Variants in OTOGL observed in about 807,000 individuals in gnomAD.
OTOGL encodes otogelin like, also known as otogelin-like protein.
Under a neutral mutation model 318.5 loss-of-function variants are expected in OTOGL, and 285 were observed. The ratio of observed to expected loss-of-function variants is 0.89; its 90% CI spans 0.81 to 0.99. The LOEUF (loss-of-function observed/expected upper bound fraction) is 0.99. Among genes scored for constraint, OTOGL ranks in the 50% least tolerant of loss-of-function variants. OTOGL has a pLI of 0.00. For missense variants in OTOGL, 2,899 were observed against 2,845.6 expected, an observed-to-expected ratio of 1.02 and a Z score of -0.43; for synonymous variants, 987 against 936.5, an observed-to-expected ratio of 1.05 and a Z score of -0.99.
chr12:80,322,817 A>G (rs1887424889), intron 34 of OTOGL, among the ~76,000 whole-genome samples: 2 of 152,176 alleles, frequency 1.3e-5, no homozygotes, highest in African/African-American at 2.4e-5. Context: ...TATCTGGTAC[A>G]AGGCAACGTG....
intron 58 of OTOGL, 80 bp downstream of exon 58, chr12:80,377,282 A>G: frequency 1.8e-6 from 2 of 1,084,304 alleles, no homozygotes; most frequent in Non-Finnish European, 2.7e-6. Flanking sequence ...GAAGTTTGTA[A>G]GCCAACAAAC....
intron 11 of OTOGL, among the ~76,000 whole-genome samples, chr12:80,243,492 A>G (rs1388343125): frequency 1.3e-5 from 2 of 151,980 alleles, no homozygotes; most frequent in Non-Finnish European, 2.9e-5. Context: ...TGATAAAAAT[A>G]AGAAATCTTG....
At chr12:80,186,532 T>C (rs1033327364) in intron 1 of OTOGL, among the ~76,000 whole-genome samples, 4 of 152,218 alleles carry the variant, frequency 2.6e-5, no homozygotes, top group African/African-American at 9.6e-5. Flanking sequence ...ATTCACTTGT[T>C]GAAAAACTTT....
At chr12:80,320,344 C>G in intron 33 of OTOGL, 78 bp from the exon 34 acceptor site, 1 of 1,395,564 alleles carries the variant, frequency 7.2e-7, no homozygotes, top group Non-Finnish European at 9.7e-7. Flanking sequence ...ATTTTGTTTA[C>G]TTTATAAGTA....
Position 80,336,444 on chromosome 12 carries a change from T to C in OTOGL, c.4632T>C (p.Ile1544=). The C allele has an allele frequency of 6.2e-7, 1 of 1,609,346 alleles. No individual in the cohort carries two copies. The highest frequency in any genetic ancestry group is 8.5e-7 in the Non-Finnish European group (1 of 1,177,606). Reference sequence around the variant, plus strand: ...GTTCCATGTTGTCAGAACTGAGCATTATTACATTTGATGGAAACAACGCAG... The same window carrying C: ...GTTCCATGTTGTCAGAACTGAGCATCATTACATTTGATGGAAACAACGCAG... ...CRCSMLSELS[I]ITFDGNNAAL... Residue 1544 remains isoleucine, a synonymous_variant, in exon 40 of 59, where the codon ATT becomes ATC. Coordinates refer to ENST00000547103, the MANE Select transcript of OTOGL (RefSeq NM_001378609.3).
intron 53 of OTOGL, among the ~76,000 whole-genome samples, chr12:80,366,985 T>A (rs1890581063): frequency 6.6e-6 from 1 of 151,960 alleles, no homozygotes; most frequent in Admixed American, 6.6e-5. Context: ...TTATTATTAA[T>A]GTATTTTTAT....
intron 1 of OTOGL, among the ~76,000 whole-genome samples, chr12:80,195,449 A>G (rs1341731693): frequency 6.6e-6 from 1 of 152,196 alleles, no homozygotes; most frequent in Non-Finnish European, 1.5e-5. Context: ...TCAATTTCCT[A>G]TACACAAGGT....
Position 80,270,404 on chromosome 12 carries a change from GAT to G in OTOGL, c.2518+251_2518+252del, listed in dbSNP as rs1444004026. 5.9e-5 allele frequency among the ~76,000 whole-genome samples: 9 copies of G among 152,266 alleles called. No individual in the cohort carries two copies. In the East Asian group the frequency reaches 1.7e-3, roughly 29 times the overall value. ...CAGGTCAACCCAGGGATGCTGCCTA[GAT>G]GCTGCCTACCACAGGACCACCTCAG... is the stretch of plus-strand genomic sequence containing the variant. On this transcript the variant is annotated intron_variant, in intron 23 of 58. Coordinates refer to ENST00000547103, the MANE Select transcript of OTOGL (RefSeq NM_001378609.3).
intron 1 of OTOGL, 75 bp from the exon 2 acceptor site, chr12:80,209,338 A>C: frequency 6.5e-6 from 5 of 770,088 alleles, no homozygotes; most frequent in Non-Finnish European, 9.3e-6. Context: ...ATTTATTAGA[A>C]TTTGAGTACC....
intron 37 of OTOGL, 63 bp from the exon 38 acceptor site, chr12:80,332,942 A>AT (rs1888166314): frequency 2.3e-6 from 3 of 1,327,340 alleles, no homozygotes; most frequent in Admixed American, 4.0e-5. Context: ...TTTCTGTCAC[A>AT]TATCAATTCC....
At chr12:80,139,041 G>T (rs1310672500) in intron 1 of OTOGL, among the ~76,000 whole-genome samples, 1 of 152,148 alleles carries the variant, frequency 6.6e-6, no homozygotes, top group African/African-American at 2.4e-5. Flanking sequence ...TATAGCGAGG[G>T]TCCTATATGT....
intron 1 of OTOGL, among the ~76,000 whole-genome samples, chr12:80,150,453 G>T (rs530252189): frequency 1.9e-4 from 29 of 152,300 alleles, no homozygotes; most frequent in African/African-American, 6.7e-4. Flanking sequence ...GAGATCAAAG[G>T]GGAATGTTAA....
intron 35 of OTOGL, among the ~76,000 whole-genome samples, chr12:80,324,826 A>T (rs1172544039): frequency 6.6e-6 from 1 of 152,206 alleles, no homozygotes; most frequent in African/African-American, 2.4e-5. Flanking sequence ...TTGGTAGCCA[A>T]ATTGGTCAAA....
At chr12:80,367,777 T>G (rs764673476) in intron 54 of OTOGL, 38 bp downstream of exon 54, 186 of 1,285,644 alleles carry the variant, frequency 1.4e-4, no homozygotes, top group Non-Finnish European at 1.6e-4. Flanking sequence ...TGAGAGTTAA[T>G]GCATTCAAAA....
At chr12:80,372,912 C>G (rs2138105165) in intron 57 of OTOGL, among the ~76,000 whole-genome samples, 1 of 152,156 alleles carries the variant, frequency 6.6e-6, no homozygotes, top group Non-Finnish European at 1.5e-5. Context: ...GCCTCAAACT[C>G]CTGGCCTCAA....
At chr12:80,168,798 G>A (rs898745300) in intron 1 of OTOGL, among the ~76,000 whole-genome samples, 4 of 152,174 alleles carry the variant, frequency 2.6e-5, no homozygotes, top group African/African-American at 9.7e-5. Flanking sequence ...AGAAATAGGA[G>A]TTGAGAAACT....
At chr12:80,112,402 T>C (rs1869894034) in intron 1 of OTOGL, among the ~76,000 whole-genome samples, 1 of 152,234 alleles carries the variant, frequency 6.6e-6, no homozygotes, top group Non-Finnish European at 1.5e-5. Context: ...GCTTTTATTA[T>C]GTTCAGATGT....
At chr12:80,160,261 G>T (rs572934312) in intron 1 of OTOGL, among the ~76,000 whole-genome samples, 6 of 152,014 alleles carry the variant, frequency 3.9e-5, no homozygotes, top group Non-Finnish European at 8.8e-5. Flanking sequence ...AAACTAAAAA[G>T]CTTCTTCACA....
At chr12:80,223,824 T>C (rs905178743) in intron 7 of OTOGL, among the ~76,000 whole-genome samples, 1 of 152,182 alleles carries the variant, frequency 6.6e-6, no homozygotes, top group Non-Finnish European at 1.5e-5. Flanking sequence ...AGATTCTGTA[T>C]ATTAGTCCAT....
Sources: allele counts gnomAD v4.1 joint callset (sites outside exome capture counted in the v4.1 genomes callset), GRCh38; gene constraint gnomAD v4.1.1; transcripts MANE v1.5; gene names NCBI Gene and HGNC (gene_info 2026-07-23, HGNC 2026-07-21).